The following ITGA8 variants were observed in gnomAD, a reference collection of about 807,000 sequenced individuals.
ITGA8 encodes the protein integrin subunit alpha 8.
A neutral mutation model predicts 142.3 loss-of-function variants in ITGA8; 91 were observed. The ratio of observed to expected loss-of-function variants is 0.64; its 90% CI spans 0.54 to 0.76. ITGA8 has a LOEUF of 0.76. Among genes scored for constraint, ITGA8 ranks in the 30% least tolerant of loss-of-function variants. ITGA8 has a pLI of 0.00. For missense variants in ITGA8, 1,406 were observed against 1,327.7 expected (o/e 1.06, Z -0.92); for synonymous variants, 505 against 485.2 (o/e 1.04, Z -0.54).
chr10:15,561,245 A>G (rs7896623), intron 25 of ITGA8, among the ~76,000 whole-genome samples: 41,120 of 132,996 alleles, frequency 0.31, 6,406 homozygotes, highest in Middle Eastern at 0.36. Flanking sequence ...GTATATATAT[A>G]TATATATATG....
chr10:15,689,321 G>A (rs963450300), intron 2 of ITGA8, among the ~76,000 whole-genome samples: 8 of 152,150 alleles, frequency 5.3e-5, no homozygotes, highest in Admixed American at 6.5e-5. Context: ...TAAGGAGATC[G>A]CTGGAGAACA....
At chr10:15,637,301 G>A (rs999493883) in intron 13 of ITGA8, among the ~76,000 whole-genome samples, 1 of 152,040 alleles carries the variant, frequency 6.6e-6, no homozygotes, top group Admixed American at 6.5e-5. Context: ...CCATTTGACA[G>A]CATTTTGTAA....
chr10:15,665,396 A>T (rs1834369203), intron 8 of ITGA8, among the ~76,000 whole-genome samples: 1 of 151,958 alleles, frequency 6.6e-6, no homozygotes, highest in South Asian at 2.1e-4. Flanking sequence ...GTTTGAGTTC[A>T]TTGTAGATTC....
chr10:15,627,340 G>A (rs1833602861), intron 13 of ITGA8, among the ~76,000 whole-genome samples: 1 of 152,192 alleles, frequency 6.6e-6, no homozygotes, highest in Admixed American at 6.5e-5. Context: ...CAGGATGAGA[G>A]GGGCTGAGCA....
At chr10:15,718,278 A>C (rs372325630) in intron 2 of ITGA8, among the ~76,000 whole-genome samples, 5 of 152,214 alleles carry the variant, frequency 3.3e-5, no homozygotes, top group African/African-American at 1.2e-4. Flanking sequence ...CTTTGAAAGA[A>C]AATTCTTTCT....
At chr10:15,538,781 T>C (rs1588631992) in intron 27 of ITGA8, among the ~76,000 whole-genome samples, 1 of 152,002 alleles carries the variant, frequency 6.6e-6, no homozygotes, top group Admixed American at 6.6e-5. Flanking sequence ...AACAAAATAA[T>C]TAAATGATAA....
intron 6 of ITGA8, among the ~76,000 whole-genome samples, chr10:15,673,791 A>C (rs921373900): frequency 1.3e-5 from 2 of 149,668 alleles, no homozygotes; most frequent in Admixed American, 1.3e-4. Flanking sequence ...ATCCATGGGC[A>C]CCAACATTGA....
intron 4 of ITGA8, among the ~76,000 whole-genome samples, chr10:15,679,755 C>T (rs1360782012): frequency 6.6e-6 from 1 of 152,102 alleles, no homozygotes; most frequent in Admixed American, 6.6e-5. Context: ...AACTCATTGT[C>T]CAATAGGATC....
rs190848981 is a variant in ITGA8 at position 15,694,611 on chromosome 10, A to C, written c.344-6573T>G. ...TATAAAATGGATATATAATATAGTAAATATATTTTATTTATTAATATATTT... is the reference window on the plus strand; with the variant it reads ...TATAAAATGGATATATAATATAGTACATATATTTTATTTATTAATATATTT... On this transcript the variant is annotated intron_variant, in intron 2 of 29. Coordinates refer to ENST00000378076, the MANE Select transcript of ITGA8 (RefSeq NM_003638.3). Among the ~76,000 whole-genome samples, 775 of 135,756 alleles carry C rather than the reference A, an allele frequency of 5.7e-3. 5 individuals carry two copies. The highest frequency in any genetic ancestry group is 0.02 in the African/African-American group (747 of 37,338). The allele number at this position is 135,756 out of a possible 152,430, so 89.1% of individuals were successfully genotyped here.
chr10:15,551,559 G>T (rs1451208601), intron 26 of ITGA8, among the ~76,000 whole-genome samples: 1 of 152,012 alleles, frequency 6.6e-6, no homozygotes, highest in South Asian at 2.1e-4. Context: ...AAATAGCAGG[G>T]GCCCACTATG....
At chr10:15,593,551 T>C (rs1212447115) in intron 21 of ITGA8, among the ~76,000 whole-genome samples, 1 of 152,206 alleles carries the variant, frequency 6.6e-6, no homozygotes, top group Non-Finnish European at 1.5e-5. Context: ...ACAGCCACTA[T>C]AGTATCAGAA....
At chr10:15,544,718 G>A (rs1175238674) in intron 27 of ITGA8, among the ~76,000 whole-genome samples, 4 of 152,208 alleles carry the variant, frequency 2.6e-5, no homozygotes, top group Non-Finnish European at 5.9e-5. Context: ...ACACCCTTGT[G>A]TGGGTGCCTC....
chr10:15,534,383 A>G (rs1217313226), intron 27 of ITGA8, among the ~76,000 whole-genome samples: 2 of 152,150 alleles, frequency 1.3e-5, no homozygotes, highest in African/African-American at 4.8e-5. Flanking sequence ...TTTCTCCCCA[A>G]CTATATGATA....
chr10:15,669,876 T>C (rs1418523354), intron 8 of ITGA8, among the ~76,000 whole-genome samples: 2 of 152,130 alleles, frequency 1.3e-5, no homozygotes, highest in Admixed American at 6.5e-5. Flanking sequence ...CTCTGGAAGT[T>C]TTGTCTCAGA....
chr10:15,676,074 G>C (rs1265387342), intron 6 of ITGA8, among the ~76,000 whole-genome samples: 2 of 151,766 alleles, frequency 1.3e-5, no homozygotes, highest in South Asian at 4.2e-4. Flanking sequence ...TGAAATTAGC[G>C]GGCCACTCCA....
Position 15,592,261 on chromosome 10 carries a change from G to C in ITGA8, c.2255C>G (p.Thr752Arg). 6.2e-7 allele frequency: 1 copy of C among 1,613,902 alleles called. No individual in the cohort carries two copies. The highest frequency in any genetic ancestry group is 1.1e-5 in the South Asian group (1 of 91,056). The change falls in exon 22 of 30, where the codon ACA becomes AGA. Residue 752 changes from threonine (T) to arginine (R), a missense_variant. Coordinates refer to ENST00000378076, the MANE Select transcript of ITGA8 (RefSeq NM_003638.3). Reference sequence around the variant, plus strand: ...GAGATCGAAGTTAATGCTCATGTTTGTTTTCTCAAGACGTGGAACTGCAAA... The same window carrying C: ...GAGATCGAAGTTAATGCTCATGTTTCTTTTCTCAAGACGTGGAACTGCAAA... ...LRFAVPRLEK[T>R]NMSINFDLQI... is the part of the protein sequence containing the mutation.
At chr10:15,673,140 A>G (rs545417353) in intron 6 of ITGA8, among the ~76,000 whole-genome samples, 59 of 152,212 alleles carry the variant, frequency 3.9e-4, no homozygotes, top group Middle Eastern at 6.8e-3. Context: ...CTGGAGTGCA[A>G]TGGTGCAGTC....
intron 13 of ITGA8, among the ~76,000 whole-genome samples, chr10:15,628,646 T>C (rs2131631444): frequency 6.6e-6 from 1 of 151,926 alleles, no homozygotes; most frequent in Non-Finnish European, 1.5e-5. Context: ...TCACCTCTAC[T>C]TCTTGCATAA....
chr10:15,608,605 T>C (rs924816054), intron 15 of ITGA8, among the ~76,000 whole-genome samples: 7 of 152,136 alleles, frequency 4.6e-5, no homozygotes, highest in East Asian at 1.9e-4. Flanking sequence ...GTATCTTCCA[T>C]GTGCCAGGGA....
Sources: gnomAD v4.1 joint callset for allele counts (sites outside exome capture counted in the v4.1 genomes callset) on GRCh38, gnomAD v4.1.1 for gene constraint, MANE v1.5 for transcripts, NCBI Gene and HGNC (gene_info 2026-07-23, HGNC 2026-07-21) for gene names.